NKAIN2: variants seen among roughly 807,000 people sequenced by gnomAD.
The protein encoded by NKAIN2 is sodium/potassium transporting ATPase interacting 2, also known as sodium/potassium-transporting ATPase subunit beta-1-interacting protein 2.
NKAIN2 carries 14 observed loss-of-function variants against 32.6 expected under a neutral mutation model. That is an observed-to-expected ratio of 0.43 (90% CI 0.28 to 0.67). The LOEUF (loss-of-function observed/expected upper bound fraction) is 0.67, where lower values mean the gene tolerates loss of function less well. Among genes scored for constraint, NKAIN2 ranks in the 30% least tolerant of loss-of-function variants. The pLI is 0.17. For missense variants in NKAIN2, 198 were observed against 258.3 expected (o/e 0.77, Z 1.60); for synonymous variants, 80 against 87.2 (o/e 0.92, Z 0.46).
chr6:123,903,013 C>G (rs1041421631), intron 1 of NKAIN2, among the ~76,000 whole-genome samples: 2 of 152,208 alleles, frequency 1.3e-5, no homozygotes, highest in Non-Finnish European at 2.9e-5. Flanking sequence ...GTTAGTCATA[C>G]TGCTTTGTTC....
At chr6:124,819,593 T>C (rs761133370) in intron 6 of NKAIN2, among the ~76,000 whole-genome samples, 6 of 152,184 alleles carry the variant, frequency 3.9e-5, no homozygotes, top group Non-Finnish European at 7.4e-5. Context: ...TGTTAAGTTT[T>C]TCGGTCTCTT....
At chr6:124,706,403 T>A (rs1001939051) in intron 4 of NKAIN2, among the ~76,000 whole-genome samples, 1 of 152,154 alleles carries the variant, frequency 6.6e-6, no homozygotes, top group African/African-American at 2.4e-5. Context: ...TCATTGCTGT[T>A]ATTATATATT....
intron 1 of NKAIN2, among the ~76,000 whole-genome samples, chr6:123,971,047 A>T (rs967268162): frequency 6.6e-6 from 1 of 152,116 alleles, no homozygotes; most frequent in Non-Finnish European, 1.5e-5. Context: ...AAAGCTTACT[A>T]TATGCTGGAA....
chr6:124,507,990 C>T (rs1311115463), intron 3 of NKAIN2, among the ~76,000 whole-genome samples: 11 of 152,060 alleles, frequency 7.2e-5, no homozygotes, highest in African/African-American at 1.9e-4. Flanking sequence ...CAATAGCTTA[C>T]GCCTGTAATC....
intron 4 of NKAIN2, among the ~76,000 whole-genome samples, chr6:124,790,877 T>G (rs1779716974): frequency 6.6e-6 from 1 of 152,126 alleles, no homozygotes; most frequent in Non-Finnish European, 1.5e-5. Context: ...TGCATTTTCC[T>G]TACAAAGAAC....
At chr6:124,246,995 CT>C (rs1295022567) in intron 1 of NKAIN2, among the ~76,000 whole-genome samples, 4 of 151,950 alleles carry the variant, frequency 2.6e-5, no homozygotes, top group Non-Finnish European at 4.4e-5. Flanking sequence ...CCTTTTTCAC[CT>C]TCCTGAGGCC....
At chr6:124,003,488 A>G (rs1236788356) in intron 1 of NKAIN2, among the ~76,000 whole-genome samples, 1 of 152,146 alleles carries the variant, frequency 6.6e-6, no homozygotes, top group African/African-American at 2.4e-5. Flanking sequence ...GAACTTGTTG[A>G]TGGAATGCAA....
intron 3 of NKAIN2, among the ~76,000 whole-genome samples, chr6:124,512,857 T>C (rs1778766910): frequency 6.6e-6 from 1 of 152,174 alleles, no homozygotes; most frequent in African/African-American, 2.4e-5. Context: ...GAGGGACGGT[T>C]AGTTAGAAGT....
chr6:124,472,299 G>T (rs1253354718), intron 3 of NKAIN2, among the ~76,000 whole-genome samples: 1 of 152,064 alleles, frequency 6.6e-6, no homozygotes, highest in Non-Finnish European at 1.5e-5. Flanking sequence ...TTTTGAATAA[G>T]GTGCAGTGGT....
intron 3 of NKAIN2, among the ~76,000 whole-genome samples, chr6:124,400,274 A>G (rs959583676): frequency 1.4e-4 from 22 of 152,062 alleles, no homozygotes; most frequent in African/African-American, 5.3e-4. Flanking sequence ...TTAAGTTGCC[A>G]ATTGATTTTA....
chr6:124,394,505 A>AGATAGATT (rs1554200079), intron 3 of NKAIN2, among the ~76,000 whole-genome samples: 2 of 144,528 alleles, frequency 1.4e-5, no homozygotes, highest in Non-Finnish European at 3.1e-5. Context: ...ATAGATAGAT[A>AGATAGATT]GATTAGATAG....
At chr6:124,055,726 C>G (rs1306036400) in intron 1 of NKAIN2, among the ~76,000 whole-genome samples, 3 of 151,812 alleles carry the variant, frequency 2.0e-5, no homozygotes, top group Non-Finnish European at 4.4e-5. Context: ...ACATTTTCTC[C>G]CATTTAGATT....
chr6:123,873,505 G>A (rs1319870352), intron 1 of NKAIN2, among the ~76,000 whole-genome samples: 2 of 152,188 alleles, frequency 1.3e-5, no homozygotes, highest in African/African-American at 2.4e-5. Flanking sequence ...GCAGTGCACT[G>A]ACGTGATCTT....
At chr6:124,694,156 T>C (rs1343671903) in intron 4 of NKAIN2, among the ~76,000 whole-genome samples, 1 of 152,066 alleles carries the variant, frequency 6.6e-6, no homozygotes, top group Non-Finnish European at 1.5e-5. Context: ...CAAGTCTATG[T>C]GTGTGTGTAT....
chr6:124,470,841 T>G (rs1776943006), intron 3 of NKAIN2, among the ~76,000 whole-genome samples: 1 of 152,222 alleles, frequency 6.6e-6, no homozygotes, highest in Admixed American at 6.5e-5. Flanking sequence ...AATTTAAACT[T>G]ACTCTTTTAG....
At chr6:124,107,513 G>A (rs1353143065) in intron 1 of NKAIN2, among the ~76,000 whole-genome samples, 1 of 152,028 alleles carries the variant, frequency 6.6e-6, no homozygotes, top group Non-Finnish European at 1.5e-5. Context: ...TGTGTACCAG[G>A]CACTGTTTTT....
At chr6:124,327,773 C>A (rs1297253762) in intron 2 of NKAIN2, among the ~76,000 whole-genome samples, 1 of 151,826 alleles carries the variant, frequency 6.6e-6, no homozygotes, top group Admixed American at 6.6e-5. Context: ...AAATTAAAGA[C>A]CTTGGGAAAT....
intron 4 of NKAIN2, among the ~76,000 whole-genome samples, chr6:124,785,308 T>C (rs1779450078): frequency 6.6e-6 from 1 of 152,154 alleles, no homozygotes; most frequent in Non-Finnish European, 1.5e-5. Context: ...TTCAGGCATG[T>C]TTGTAATTGC....
At chr6:124,731,682 A>T (rs950610474) in intron 4 of NKAIN2, among the ~76,000 whole-genome samples, 1 of 151,912 alleles carries the variant, frequency 6.6e-6, no homozygotes, top group Non-Finnish European at 1.5e-5. Flanking sequence ...CACAATGTGC[A>T]CATGTACCCT....
Sources: gnomAD v4.1 joint callset for allele counts (sites outside exome capture counted in the v4.1 genomes callset) on GRCh38, gnomAD v4.1.1 for gene constraint, MANE v1.5 for transcripts, NCBI Gene and HGNC (gene_info 2026-07-23, HGNC 2026-07-21) for gene names.